The following OTOP2 variants were observed in gnomAD, a reference collection of about 807,000 sequenced individuals.
OTOP2 encodes the protein otopetrin 2, also known as proton channel OTOP2.
In OTOP2, 41 loss-of-function variants were observed where a neutral mutation model predicts 47.4. The observed-to-expected ratio is 0.87, with a 90% CI of 0.67 to 1.12. The LOEUF (loss-of-function observed/expected upper bound fraction) is 1.12, where lower values mean the gene tolerates loss of function less well. Ranked by LOEUF, OTOP2 falls within the 50% of genes most tolerant of loss-of-function variation. OTOP2 has a pLI of 0.00. For synonymous variants in OTOP2, 328 were observed against 319.6 expected, an observed-to-expected ratio of 1.03 and a Z score of -0.28; for missense variants, 721 against 752.2, an observed-to-expected ratio of 0.96 and a Z score of 0.49.
intron 6 of OTOP2, among the ~76,000 whole-genome samples, chr17:74,932,802 C>G (rs1033180750): frequency 2.6e-5 from 4 of 152,208 alleles, no homozygotes; most frequent in African/African-American, 9.7e-5. Context: ...TTCTTTGCTT[C>G]TTACCCACAC....
Position 74,933,846 on chromosome 17 carries a change from C to T in OTOP2, c.*301C>T. 3.3e-6 allele frequency: 1 copy of T among 299,418 alleles called. No homozygotes were observed. The highest frequency in any genetic ancestry group is 6.3e-6 in the Non-Finnish European group (1 of 158,678). 18.5% of individuals were successfully genotyped at this position (299,418 alleles called of 1,614,324 possible). On this transcript the variant is annotated 3_prime_UTR_variant, in exon 7 of 7. Transcript: ENST00000331427. The surrounding 1 kb of genome is among the most constrained non-coding windows in gnomAD (Gnocchi z 4.7). ...TGCCGGCTCTGGTTCCATCTCTAAT[C>T]CCCTGCTGTGGCCTGGCCAGTGTAC...
intron 6 of OTOP2, 145 bp downstream of exon 6, chr17:74,931,298 A>C (rs1221498353): frequency 2.6e-6 from 3 of 1,163,468 alleles, no homozygotes; most frequent in African/African-American, 3.1e-5. Context: ...GCAGGTTCAG[A>C]GGGGGCCAGC....
Position 74,924,884 on chromosome 17 carries a change from C to T in OTOP2, c.252C>T (p.Thr84=), listed in dbSNP as rs1420733839. The change falls in exon 2 of 7, where the codon ACC becomes ACT. Residue 84 remains threonine (T), a synonymous_variant. Coordinates refer to ENST00000331427, the MANE Select transcript of OTOP2 (RefSeq NM_178160.3). The surrounding 1 kb of genome is among the most constrained non-coding windows in gnomAD (Gnocchi z 7.7). The part of the protein sequence containing the change: ...TLWILFYLLR[T]VRCPCAVPYR... ...GGATCCTCTTCTACCTCCTCCGAAC[C>T]GTGCGCTGCCCCTGCGCGGTACCCT... 2.5e-6 allele frequency: 4 copies of T among 1,599,312 alleles called. No homozygotes were observed. Among genetic ancestry groups the T allele is most frequent in the South Asian group, 2.3e-5 (2 of 88,728 alleles).
rs1404444647 is a variant in OTOP2, at chr17:74,930,614, A to C, written c.979A>C (p.Ile327Leu). The change falls in exon 6 of 7, where the codon ATC (isoleucine) becomes CTC (leucine). Residue 327 changes from isoleucine to leucine, a missense_variant. Physicochemically the swap from Ile to Leu is conservative, Grantham distance 5. Coordinates refer to ENST00000331427, the MANE Select transcript of OTOP2 (RefSeq NM_178160.3). The surrounding 1 kb of genome is among the most constrained non-coding windows in gnomAD (Gnocchi z 4.0). Reference sequence around the variant, plus strand: ...GAGCCGCACCAGGCAGGCCCTGGTCATCTACTACAGCTTCAACATTGTCTG... The same window carrying C: ...GAGCCGCACCAGGCAGGCCCTGGTCCTCTACTACAGCTTCAACATTGTCTG... ...DGSRTRQALV[I>L]YYSFNIVCLG... 12 of 1,613,834 alleles carry C rather than the reference A, an allele frequency of 7.4e-6. No individual in the cohort carries two copies. The highest frequency in any genetic ancestry group is 1.0e-5 in the Non-Finnish European group (12 of 1,180,004).
At chr17:74,932,640 T>A (rs2039070340) in intron 6 of OTOP2, among the ~76,000 whole-genome samples, 1 of 152,248 alleles carries the variant, frequency 6.6e-6, no homozygotes, top group Non-Finnish European at 1.5e-5. Flanking sequence ...GGGAGGCTAT[T>A]CTTGCTCCAG....
chr17:74,930,474 C>A lies in OTOP2; in HGVS notation c.839C>A (p.Thr280Asn). Residue 280 changes from threonine (T) to asparagine (N), a missense_variant, in exon 6 of 7, where the codon ACC (threonine) becomes AAC (asparagine). Thr to Asn is a moderately conservative substitution (Grantham distance 65, BLOSUM62 0). Transcript: ENST00000331427. This position sits in a 1 kb window ranked among gnomAD's most constrained non-coding sequence, Gnocchi z 4.0. Reference sequence around the variant, plus strand: ...ACCCCTGGCCACAGCCACACCCCAACCCCTGTCAGCCTCTTCCGGGAGACC... The same window carrying A: ...ACCCCTGGCCACAGCCACACCCCAAACCCTGTCAGCCTCTTCCGGGAGACC... Reference protein sequence around the residue: ...ASTPGHSHTPTPVSLFRETFF... With the variant: ...ASTPGHSHTPNPVSLFRETFF... The A allele has an allele frequency of 1.9e-6, 3 of 1,613,934 alleles. No homozygotes were observed. The highest frequency in any genetic ancestry group is 2.5e-6 in the Non-Finnish European group (3 of 1,179,782).
chr17:74,930,210 C>A lies in OTOP2; in HGVS notation c.644-69C>A. 1 of 1,486,402 alleles carries A rather than the reference C, an allele frequency of 6.7e-7. No homozygotes were observed. Among genetic ancestry groups the A allele is most frequent in the South Asian group, 1.3e-5 (1 of 74,094 alleles). 92.1% of individuals were successfully genotyped at this position (1,486,402 alleles called of 1,614,324 possible). A position where few individuals can be genotyped will look rare whatever the true frequency, so the allele number is the denominator to read the frequency against. On this transcript the variant is annotated intron_variant, in intron 5 of 6. Transcript: ENST00000331427. This position sits in a 1 kb window ranked among gnomAD's most constrained non-coding sequence, Gnocchi z 4.0. ...AAACAAAACAAAAAAAAAAAGGTCA[C>A]AGGCTAGGGGTGAGACCTCTCTAGG... is the stretch of plus-strand genomic sequence containing the variant.
intron 6 of OTOP2, 82 bp downstream of exon 6, chr17:74,931,235 T>C (rs2039056507): frequency 1.3e-6 from 2 of 1,494,248 alleles, no homozygotes; most frequent in African/African-American, 2.8e-5. Flanking sequence ...CCCTTAGCCT[T>C]CTCTGTCTTG....
In OTOP2 at chr17:74,927,803, GT is replaced by G. The variant is rs779708322; in HGVS notation, c.643+8del. 6 of 1,613,566 alleles carry G rather than the reference GT, an allele frequency of 3.7e-6. No individual in the cohort carries two copies. On this transcript the variant is annotated splice_donor_region_variant and intron_variant, in intron 5 of 6. Transcript: ENST00000331427. Reference sequence around the variant, plus strand: ...ACGCCCGTCTCATCTCTGACCGTGAGTTTCCTCTTAATGCTGGCCCTGTGGC... The same window carrying G: ...ACGCCCGTCTCATCTCTGACCGTGAGTTCCTCTTAATGCTGGCCCTGTGGC...
In OTOP2 at chr17:74,925,583, C is replaced by A; in HGVS notation, c.341C>A (p.Thr114Asn). The A allele has an allele frequency of 6.2e-7, 1 of 1,614,104 alleles. No individual in the cohort carries two copies. Among genetic ancestry groups the A allele is most frequent in the South Asian group, 1.1e-5 (1 of 91,080 alleles). The change falls in exon 3 of 7, where the codon ACC (threonine) becomes AAC (asparagine). Residue 114 changes from threonine (T) to asparagine (N), a missense_variant. Coordinates refer to ENST00000331427, the MANE Select transcript of OTOP2 (RefSeq NM_178160.3). ...RGGLVLFGICTLIMDVFKTGY... is the reference protein window; with the variant it reads ...RGGLVLFGICNLIMDVFKTGY... ...GGGCTGGTGCTGTTTGGAATCTGCACCCTCATCATGGATGTCTTCAAGACC... is the reference window on the plus strand; with the variant it reads ...GGGCTGGTGCTGTTTGGAATCTGCAACCTCATCATGGATGTCTTCAAGACC...
rs2039016623 is a variant in OTOP2, at chr17:74,927,301, G to A, written c.509+20G>A. 3.7e-6 allele frequency: 6 copies of A among 1,606,388 alleles called. No homozygotes were observed. The highest frequency in any genetic ancestry group is 5.1e-6 in the Non-Finnish European group (6 of 1,173,584). On this transcript the variant is annotated intron_variant, in intron 4 of 6. Transcript: ENST00000331427. ...GACCTGGTGAGAACTGCAGCTCGAT[G>A]CCTGTACCCAGCGTGCTGGTGTTCA...
chr17:74,930,645 G>A lies in OTOP2; in HGVS notation c.1010G>A (p.Gly337Glu). ...TACAGCTTCAACATTGTCTGCTTGG[G>A]ACTCACCACCTTGGTCAGCCTGAGC... is the stretch of plus-strand genomic sequence containing the variant. ...IYYSFNIVCL[G>E]LTTLVSLSGS... Residue 337 changes from glycine (G) to glutamate (E), a missense_variant, in exon 6 of 7, where the codon GGA becomes GAA. Coordinates refer to ENST00000331427, the MANE Select transcript of OTOP2 (RefSeq NM_178160.3). The surrounding 1 kb of genome is among the most constrained non-coding windows in gnomAD (Gnocchi z 4.0). The A allele has an allele frequency of 6.2e-7, 1 of 1,613,982 alleles. No homozygotes were observed. Among genetic ancestry groups the A allele is most frequent in the Non-Finnish European group, 8.5e-7 (1 of 1,180,026 alleles).
At position 74,931,161 on chromosome 17, in the gene OTOP2, G is replaced by C; in HGVS notation, c.1518+8G>C. ...CTACTCTGCAATGTCATTGTGAGTAGCTGGGGGGAGAAAGGGTGGGCTTGG... is the reference window on the plus strand; with the variant it reads ...CTACTCTGCAATGTCATTGTGAGTACCTGGGGGGAGAAAGGGTGGGCTTGG... On this transcript the variant is annotated splice_region_variant and intron_variant, in intron 6 of 6. Coordinates refer to ENST00000331427, the MANE Select transcript of OTOP2 (RefSeq NM_178160.3). 1 of 1,570,886 alleles carries C rather than the reference G, an allele frequency of 6.4e-7. No individual in the cohort carries two copies. Among genetic ancestry groups the C allele is most frequent in the Non-Finnish European group, 8.7e-7 (1 of 1,155,906 alleles).
At position 74,927,730 on chromosome 17, in the gene OTOP2, C is replaced by T; in HGVS notation, c.575C>T (p.Ser192Phe). The change falls in exon 5 of 7, where the codon TCT becomes TTT. Residue 192 changes from serine (S) to phenylalanine (F), a missense_variant. Transcript: ENST00000331427. Reference sequence around the variant, plus strand: ...TGGATGGCGGCCGTGGTGGATGAATCTGTGCACCAATCCCACTCCTACAGC... The same window carrying T: ...TGGATGGCGGCCGTGGTGGATGAATTTGTGCACCAATCCCACTCCTACAGC... ...AIWMAAVVDE[S>F]VHQSHSYSSS... 1 of 1,614,150 alleles carries T rather than the reference C, an allele frequency of 6.2e-7. No individual in the cohort carries two copies. Among genetic ancestry groups the T allele is most frequent in the Non-Finnish European group, 8.5e-7 (1 of 1,180,000 alleles).
Position 74,925,701 on chromosome 17 carries a change from AGGAGTGTCGCTGTGT to A in OTOP2, c.450+13_450+27del. 1.9e-6 allele frequency: 3 copies of A among 1,614,012 alleles called. No individual in the cohort carries two copies. The highest frequency in any genetic ancestry group is 2.5e-6 in the Non-Finnish European group (3 of 1,179,950). On this transcript the variant is annotated intron_variant, in intron 3 of 6. Transcript: ENST00000331427. ...TGTTTGTCATCATCCAGGTGGGTGG[AGGAGTGTCGCTGTGT>A]GGAAGAAAGGAGCTAACACTTGGCC...
chr17:74,933,422 A>G lies in OTOP2; in HGVS notation c.1566A>G (p.Thr522=). 6.2e-7 allele frequency: 1 copy of G among 1,613,996 alleles called. No individual in the cohort carries two copies. Among genetic ancestry groups the G allele is most frequent in the Non-Finnish European group, 8.5e-7 (1 of 1,179,874 alleles). Residue 522 remains threonine (T), a synonymous_variant, in exon 7 of 7, where the codon ACA becomes ACG. Transcript: ENST00000331427. This position sits in a 1 kb window ranked among gnomAD's most constrained non-coding sequence, Gnocchi z 4.7. ...AFGARPHFSN[T]VEVDFYGYSL... The stretch of plus-strand genomic sequence containing the variant: ...GGGCCCGCCCTCATTTCAGCAACAC[A>G]GTGGAGGTGGATTTCTACGGCTACT...
intron 2 of OTOP2, 104 bp downstream of exon 2, chr17:74,925,049 G>T (rs2038994553): frequency 1.5e-6 from 2 of 1,349,690 alleles, no homozygotes; most frequent in African/African-American, 2.9e-5. Context: ...GAGGGCGAGA[G>T]GCTCCCTAGG....
Position 74,930,749 on chromosome 17 carries a change from C to A in OTOP2, c.1114C>A (p.Leu372Met), listed in dbSNP as rs963713105. The part of the protein sequence containing the change: ...NPTRTLDVAL[L>M]MGAALGQYAI... ...CACGCGCACTCTGGACGTGGCCCTGCTGATGGGTGCCGCCCTGGGTCAGTA... is the reference window on the plus strand; with the variant it reads ...CACGCGCACTCTGGACGTGGCCCTGATGATGGGTGCCGCCCTGGGTCAGTA... Residue 372 changes from leucine to methionine, a missense_variant, in exon 6 of 7, where the codon CTG (leucine) becomes ATG (methionine). Transcript: ENST00000331427. The surrounding 1 kb of genome is among the most constrained non-coding windows in gnomAD (Gnocchi z 4.0). 6.2e-7 allele frequency: 1 copy of A among 1,614,118 alleles called. No individual in the cohort carries two copies. The highest frequency in any genetic ancestry group is 1.3e-5 in the African/African-American group (1 of 75,030).
At position 74,928,072 on chromosome 17, in the gene OTOP2, G is replaced by C. The variant is rs532559593; in HGVS notation, c.643+274G>C. 7 of 431,334 alleles carry C rather than the reference G, an allele frequency of 1.6e-5. No individual in the cohort carries two copies. In the East Asian group the frequency reaches 3.0e-4, roughly 18 times the overall value. The allele number at this position is 431,334 out of a possible 1,614,324, so 26.7% of individuals were successfully genotyped here. Reference sequence around the variant, plus strand: ...AAGAAGGGACCCAGGACCAGGTGCAGTGGCTCATGCTTGTAATCCTAGCAC... The same window carrying C: ...AAGAAGGGACCCAGGACCAGGTGCACTGGCTCATGCTTGTAATCCTAGCAC... On this transcript the variant is annotated intron_variant, in intron 5 of 6. Transcript: ENST00000331427.
Sources: gnomAD v4.1 joint callset for allele counts (sites outside exome capture counted in the v4.1 genomes callset) on GRCh38, gnomAD v4.1.1 for gene constraint, Gnocchi (gnomAD v3.1) non-coding constraint, MANE v1.5 for transcripts, NCBI Gene and HGNC (gene_info 2026-07-23, HGNC 2026-07-21) for gene names.